The following LCP1 variants were observed in gnomAD, a reference collection of about 807,000 sequenced individuals.
LCP1 encodes plastin-2.
LCP1 carries 23 observed loss-of-function variants against 72.0 expected under a neutral mutation model. That is an observed-to-expected ratio of 0.32 (90% CI 0.23 to 0.45). LCP1 has a LOEUF of 0.45. Among genes scored for constraint, LCP1 ranks in the 20% least tolerant of loss-of-function variants. The pLI is 1.00. For missense variants in LCP1, 571 were observed against 748.3 expected, an observed-to-expected ratio of 0.76 and a Z score of 2.76; for synonymous variants, 245 against 275.4, an observed-to-expected ratio of 0.89 and a Z score of 1.09.
chr13:46,145,631 C>CAATGGTTGGGGGT (rs1157019155), intron 10 of LCP1, among the ~76,000 whole-genome samples: 31 of 78,162 alleles, frequency 4.0e-4, no homozygotes, highest in African/African-American at 9.6e-4. Context: ...GAGGGCAGGC[C>CAATGGTTGGGGGT]GGGCGCGGTG....
chr13:46,159,034 A>G, intron 2 of LCP1, 45 bp from the exon 3 acceptor site: 1 of 1,596,674 alleles, frequency 6.3e-7, no homozygotes, highest in Non-Finnish European at 8.6e-7. Flanking sequence ...GATTCAGGCA[A>G]CAGCTTTTAG....
intron 2 of LCP1, 62 bp from the exon 3 acceptor site, chr13:46,159,051 G>A (rs2045821581): frequency 2.7e-6 from 4 of 1,502,708 alleles, no homozygotes; most frequent in East Asian, 4.5e-5. Flanking sequence ...TTAGAGAGGT[G>A]AGGGAAGACT....
rs976777817 is a variant in LCP1 at position 46,128,394 on chromosome 13, C to T, written c.1752-671G>A. On this transcript the variant is annotated intron_variant, in intron 15 of 15. Transcript: ENST00000323076. Reference sequence around the variant, plus strand: ...CGGGTGGATCACAAGGTCAGGAGATCGAGACCATCCTGGCCAACATGGTGA... The same window carrying T: ...CGGGTGGATCACAAGGTCAGGAGATTGAGACCATCCTGGCCAACATGGTGA... Among the ~76,000 whole-genome samples the T allele has an allele frequency of 2.6e-5, 4 of 152,274 alleles. No individual in the cohort carries two copies. In the East Asian group the frequency reaches 5.8e-4, roughly 22 times the overall value.
At chr13:46,176,494 C>A (rs1031193010) in intron 1 of LCP1, among the ~76,000 whole-genome samples, 17 of 152,040 alleles carry the variant, frequency 1.1e-4, no homozygotes, top group African/African-American at 4.1e-4. Context: ...TTAAACTTTG[C>A]CTAAGGAATG....
chr13:46,158,713 G>T lies in LCP1; in HGVS notation c.229-62C>A, dbSNP rs550923381. The T allele has an allele frequency of 1.4e-5, 23 of 1,608,684 alleles. No homozygotes were observed. In the East Asian group the frequency reaches 4.7e-4, roughly 33 times the overall value. On this transcript the variant is annotated intron_variant, in intron 3 of 15. Transcript: ENST00000323076. The stretch of plus-strand genomic sequence containing the variant: ...GTGATCAAGAAAATCACAAAGGAAA[G>T]AATATGTAATGTCGAAGCAAGGAGG...
chr13:46,159,724 A>G (rs1229819341), intron 1 of LCP1, 38 bp from the exon 2 acceptor site: 1 of 1,263,164 alleles, frequency 7.9e-7, no homozygotes, highest in Non-Finnish European at 1.1e-6. Context: ...ACTTTTGTGC[A>G]TTTGAATTCT....
rs2045710584 is a variant in LCP1 at position 46,143,481 on chromosome 13, T to C, written c.1254-77A>G. On this transcript the variant is annotated intron_variant, in intron 11 of 15. Coordinates refer to ENST00000323076, the MANE Select transcript of LCP1 (RefSeq NM_002298.5). ...GCCTACAATGGGCCAGACACTTTCT[T>C]ACATATTAGTTCAAAGAATATTCAC... 1.6e-5 allele frequency: 14 copies of C among 902,968 alleles called. No individual in the cohort carries two copies. The South Asian group carries it at 1.9e-4, about 12-fold the overall frequency. 55.9% of individuals were successfully genotyped at this position (902,968 alleles called of 1,614,324 possible).
At chr13:46,145,681 G>A (rs2045725490) in intron 10 of LCP1, among the ~76,000 whole-genome samples, 1 of 77,852 alleles carries the variant, frequency 1.3e-5, no homozygotes, top group Non-Finnish European at 2.6e-5. Flanking sequence ...AGGCCGAGGC[G>A]GGCGGATCAC....
At chr13:46,150,246 C>T (rs1433820244) in intron 8 of LCP1, among the ~76,000 whole-genome samples, 1 of 152,174 alleles carries the variant, frequency 6.6e-6, no homozygotes. Flanking sequence ...TTCTAGGGAC[C>T]GCTTTCCATT....
In LCP1 at chr13:46,130,046, G is replaced by A. The variant is rs115263998; in HGVS notation, c.1751+768C>T. The stretch of plus-strand genomic sequence containing the variant: ...TTCTCCCTCAGAAGAAACCAATCCT[G>A]CCAACATCTTGATTGCAAACCTCTA... On this transcript the variant is annotated intron_variant, in intron 15 of 15. Transcript: ENST00000323076. Among the ~76,000 whole-genome samples the A allele has an allele frequency of 8.0e-3, 1,224 of 152,350 alleles. 23 individuals carry two copies. The highest frequency in any genetic ancestry group is 0.028 in the African/African-American group (1,175 of 41,570).
At chr13:46,160,474 A>G (rs1424144744) in intron 1 of LCP1, among the ~76,000 whole-genome samples, 1 of 152,218 alleles carries the variant, frequency 6.6e-6, no homozygotes, top group South Asian at 2.1e-4. Flanking sequence ...GCCAACAGAT[A>G]CAGTTTATAA....
chr13:46,160,179 A>C (rs1165659529), intron 1 of LCP1, among the ~76,000 whole-genome samples: 1 of 152,226 alleles, frequency 6.6e-6, no homozygotes, highest in East Asian at 1.9e-4. Flanking sequence ...ATCCCATCTG[A>C]CAGCCAGCAT....
chr13:46,155,111 C>G (rs1307505324), intron 5 of LCP1, among the ~76,000 whole-genome samples: 4 of 152,152 alleles, frequency 2.6e-5, no homozygotes, highest in African/African-American at 9.7e-5. Flanking sequence ...AATGAGGACC[C>G]CACTTCATTC....
chr13:46,137,291 A>T (rs2045670878), intron 13 of LCP1, among the ~76,000 whole-genome samples: 1 of 151,954 alleles, frequency 6.6e-6, no homozygotes, highest in African/African-American at 2.4e-5. Context: ...TAATTCGAGC[A>T]CTTTGGGAGG....
intron 10 of LCP1, among the ~76,000 whole-genome samples, chr13:46,145,270 C>T (rs182050041): frequency 8.0e-4 from 122 of 152,076 alleles, no homozygotes; most frequent in African/African-American, 2.6e-3. Flanking sequence ...AAATCAGTAC[C>T]GGGATGTGAC....
At chr13:46,152,701 G>A in intron 7 of LCP1, 79 bp downstream of exon 7, 2 of 1,423,138 alleles carry the variant, frequency 1.4e-6, no homozygotes, top group Non-Finnish European at 1.9e-6. Context: ...GAGAATTTCT[G>A]ACATCTTCCT....
chr13:46,134,471 C>G (rs541524941), intron 13 of LCP1, among the ~76,000 whole-genome samples: 2 of 151,936 alleles, frequency 1.3e-5, no homozygotes, highest in Middle Eastern at 3.4e-3. Context: ...AAAGCAGATA[C>G]CTCCTTTCTA....
chr13:46,162,472 G>C (rs1433798047), intron 1 of LCP1, among the ~76,000 whole-genome samples: 1 of 151,964 alleles, frequency 6.6e-6, no homozygotes, highest in South Asian at 2.1e-4. Context: ...ACTCGTTTTC[G>C]TATTTTTTTG....
Position 46,152,775 on chromosome 13 carries a change from C to CT in LCP1, c.739+4dup. On this transcript the variant is annotated splice_donor_region_variant and intron_variant, in intron 7 of 15. Coordinates refer to ENST00000323076, the MANE Select transcript of LCP1 (RefSeq NM_002298.5). Reference sequence around the variant, plus strand: ...TCATAAATGACCTTTGGGACTTGCTCTTACCTTCATTTCTGCTGAGTTCAA... The same window carrying CT: ...TCATAAATGACCTTTGGGACTTGCTCTTTACCTTCATTTCTGCTGAGTTCAA... 1.9e-6 allele frequency: 3 copies of CT among 1,612,948 alleles called. No homozygotes were observed. The highest frequency in any genetic ancestry group is 2.5e-6 in the Non-Finnish European group (3 of 1,179,704).
Sources: allele counts gnomAD v4.1 joint callset (sites outside exome capture counted in the v4.1 genomes callset), GRCh38; gene constraint gnomAD v4.1.1; transcripts MANE v1.5; gene names NCBI Gene and HGNC (gene_info 2026-07-23, HGNC 2026-07-21).